The following UMAD1 variants were observed in gnomAD, a reference collection of about 807,000 sequenced individuals.
The protein encoded by UMAD1 is UBAP1-MVB12-associated (UMA) domain containing 1.
In UMAD1, 8 loss-of-function variants were observed where a neutral mutation model predicts 6.1. The ratio of observed to expected loss-of-function variants is 1.30; its 90% CI spans 0.76 to 2.35. The LOEUF (loss-of-function observed/expected upper bound fraction) is 2.35, where lower values mean the gene tolerates loss of function less well. Among genes scored for constraint, UMAD1 ranks in the 30% most tolerant of loss-of-function variants. UMAD1 has a pLI of 0.00. For synonymous variants in UMAD1, 56 were observed against 31.4 expected (o/e 1.78, Z -2.61); for missense variants, 130 against 78.4 (o/e 1.66, Z -2.49).
intron 3 of UMAD1, among the ~76,000 whole-genome samples, chr7:7,823,786 C>T (rs967914026): frequency 2.0e-5 from 3 of 152,168 alleles, no homozygotes; most frequent in African/African-American, 7.2e-5. Context: ...TGCATCCCCT[C>T]TCCATTCCCT....
intron 2 of UMAD1, among the ~76,000 whole-genome samples, chr7:7,704,350 A>T (rs1780541630): frequency 6.6e-6 from 1 of 152,166 alleles, no homozygotes; most frequent in Non-Finnish European, 1.5e-5. Flanking sequence ...GATTTCTAAT[A>T]TGAAAAATAT....
intron 2 of UMAD1, among the ~76,000 whole-genome samples, chr7:7,782,744 T>C (rs1484982142): frequency 6.7e-6 from 1 of 150,188 alleles, no homozygotes; most frequent in African/African-American, 2.4e-5. Flanking sequence ...CTTTTTTTTT[T>C]TTTTTTTTTT....
chr7:7,700,723 A>C (rs756747312), intron 2 of UMAD1, among the ~76,000 whole-genome samples: 1 of 152,132 alleles, frequency 6.6e-6, no homozygotes, highest in Admixed American at 6.5e-5. Context: ...CCCTGTCTCT[A>C]CTAAAAATAT....
intron 2 of UMAD1, among the ~76,000 whole-genome samples, chr7:7,748,124 T>C (rs551789149): frequency 9.9e-5 from 15 of 151,264 alleles, no homozygotes; most frequent in Admixed American, 2.6e-4. Context: ...TTTTGTATTT[T>C]CAGTAGAGAC....
chr7:7,748,873 G>T (rs1415978335), intron 2 of UMAD1, among the ~76,000 whole-genome samples: 2 of 152,036 alleles, frequency 1.3e-5, no homozygotes, highest in African/African-American at 4.8e-5. Context: ...TATCAGCCAG[G>T]CAGGGTCATC....
chr7:7,855,129 T>C (rs1783991597), intron 3 of UMAD1, among the ~76,000 whole-genome samples: 1 of 152,258 alleles, frequency 6.6e-6, no homozygotes, highest in African/African-American at 2.4e-5. Flanking sequence ...CCCTCCCAGC[T>C]GCTTTCAAGG....
chr7:7,763,860 C>T (rs1439002718), intron 2 of UMAD1, among the ~76,000 whole-genome samples: 1 of 152,178 alleles, frequency 6.6e-6, no homozygotes, highest in African/African-American at 2.4e-5. Flanking sequence ...TAGGAAGATA[C>T]ATTATCTGGT....
At chr7:7,649,105 C>T (rs1205765342) in intron 1 of UMAD1, among the ~76,000 whole-genome samples, 1 of 139,964 alleles carries the variant, frequency 7.1e-6, no homozygotes, top group Non-Finnish European at 1.5e-5. Context: ...TTGCAGTAAG[C>T]CAAGATTGTG....
intron 3 of UMAD1, among the ~76,000 whole-genome samples, chr7:7,824,023 TA>T (rs1783296118): frequency 6.6e-6 from 1 of 152,110 alleles, no homozygotes; most frequent in South Asian, 2.1e-4. Flanking sequence ...GGCAAGTGGA[TA>T]AAAAGTGACT....
chr7:7,836,145 A>G (rs1435754990), intron 3 of UMAD1, among the ~76,000 whole-genome samples: 1 of 152,054 alleles, frequency 6.6e-6, no homozygotes. Flanking sequence ...CGACTTCCAT[A>G]TTTAACAGCT....
At chr7:7,699,052 G>A (rs1038733140) in intron 2 of UMAD1, among the ~76,000 whole-genome samples, 3 of 65,018 alleles carry the variant, frequency 4.6e-5, no homozygotes, top group East Asian at 2.6e-4. Context: ...GTGTGTGTGG[G>A]GGGGGGGTAG....
At chr7:7,775,422 T>C (rs1381324852) in intron 2 of UMAD1, among the ~76,000 whole-genome samples, 1 of 152,176 alleles carries the variant, frequency 6.6e-6, no homozygotes, top group African/African-American at 2.4e-5. Flanking sequence ...GATGGTTTTA[T>C]AAGTGTCTGG....
chr7:7,784,973 C>T (rs1782434420), intron 2 of UMAD1, among the ~76,000 whole-genome samples: 1 of 152,018 alleles, frequency 6.6e-6, no homozygotes, highest in South Asian at 2.1e-4. Flanking sequence ...CGTGTCCTTC[C>T]TTCTTAGAAA....
At chr7:7,834,050 T>TCTTG (rs1417544593) in intron 3 of UMAD1, among the ~76,000 whole-genome samples, 2 of 139,712 alleles carry the variant, frequency 1.4e-5, no homozygotes, top group East Asian at 4.1e-4. Flanking sequence ...TGAGACGGAG[T>TCTTG]CTTGCTCTGT....
At chr7:7,806,528 C>T (rs756908256) in intron 3 of UMAD1, among the ~76,000 whole-genome samples, 13 of 152,254 alleles carry the variant, frequency 8.5e-5, no homozygotes, top group Non-Finnish European at 1.6e-4. Context: ...TCAATGATTT[C>T]TGGGTAGATA....
Position 7,698,694 on chromosome 7 carries a change from A to AT in UMAD1, c.82+25241_82+25242insT, listed in dbSNP as rs547772444. On this transcript the variant is annotated intron_variant, in intron 2 of 3. Transcript: ENST00000682710. ...AAATTTGGTTTGGAGCATCCTTTCA[A>AT]CCTTCTTTCTCCAGCTCTTAATAAT... Among the ~76,000 whole-genome samples the AT allele has an allele frequency of 6.6e-5, 10 of 151,728 alleles. No individual in the cohort carries two copies. The South Asian group carries it at 2.1e-3, about 32-fold the overall frequency.
intron 2 of UMAD1, among the ~76,000 whole-genome samples, chr7:7,718,763 G>C (rs551330065): frequency 6.6e-6 from 1 of 152,230 alleles, no homozygotes; most frequent in South Asian, 2.1e-4. Flanking sequence ...AGATAGGCAG[G>C]AACCTTTCTT....
chr7:7,746,985 G>A (rs1781585366), intron 2 of UMAD1, among the ~76,000 whole-genome samples: 1 of 150,478 alleles, frequency 6.6e-6, no homozygotes, highest in African/African-American at 2.5e-5. Context: ...GTGTGTGTGT[G>A]TGTCTGTGTG....
intron 2 of UMAD1, among the ~76,000 whole-genome samples, chr7:7,776,874 A>C (rs907413079): frequency 2.0e-5 from 3 of 151,610 alleles, no homozygotes; most frequent in African/African-American, 7.3e-5. Context: ...CCTTCCTCCA[A>C]CATCTGTCAT....
Sources: gnomAD v4.1 joint callset for allele counts (sites outside exome capture counted in the v4.1 genomes callset) on GRCh38, gnomAD v4.1.1 for gene constraint, MANE v1.5 for transcripts, NCBI Gene and HGNC (gene_info 2026-07-23, HGNC 2026-07-21) for gene names.